The following CATSPERG variants were observed in gnomAD, a reference collection of about 807,000 sequenced individuals.
CATSPERG encodes catsper channel auxiliary subunit gamma.
Under a neutral mutation model 145.0 loss-of-function variants are expected in CATSPERG, and 115 were observed. The ratio of observed to expected loss-of-function variants is 0.79; its 90% CI spans 0.68 to 0.93. CATSPERG has a LOEUF of 0.93. CATSPERG is among the 40% of genes least tolerant of loss of function. CATSPERG has a pLI of 0.00. For synonymous variants in CATSPERG, 588 were observed against 589.0 expected, an observed-to-expected ratio of 1.00 and a Z score of 0.02; for missense variants, 1,296 against 1,490.1, an observed-to-expected ratio of 0.87 and a Z score of 2.14.
At chr19:38,360,465 C>T (rs766031315) in intron 14 of CATSPERG, 24 bp from the exon 15 acceptor site, 1 of 1,613,346 alleles carries the variant, frequency 6.2e-7, no homozygotes, top group Non-Finnish European at 8.5e-7. Flanking sequence ...CTGACACACA[C>T]ACATCCGGCT....
intron 7 of CATSPERG, among the ~76,000 whole-genome samples, chr19:38,350,245 T>C (rs551243396): frequency 1.3e-5 from 2 of 152,268 alleles, no homozygotes; most frequent in East Asian, 3.9e-4. Context: ...GGGAAATGGA[T>C]TTGAGAGCTT....
At chr19:38,365,660 CT>C (rs1264922692) in intron 22 of CATSPERG, 1 of 151,688 alleles carries the variant, frequency 6.6e-6, no homozygotes, top group Non-Finnish European at 1.5e-5. Context: ...CCTCTGATAA[CT>C]TTTCTTCAGA....
rs372484319 is a variant in CATSPERG at position 38,358,299 on chromosome 19, T to C, written c.1337T>C (p.Leu446Pro). 1 of 1,614,058 alleles carries C rather than the reference T, an allele frequency of 6.2e-7. No individual in the cohort carries two copies. Among genetic ancestry groups the C allele is most frequent in the African/African-American group, 1.3e-5 (1 of 74,926 alleles). The change falls in exon 12 of 29, where the codon CTC becomes CCC. Residue 446 changes from leucine (L) to proline (P), a missense_variant. Transcript: ENST00000409235. ...YNTASDDLELLYHIPEFIPEA... is the reference protein window; with the variant it reads ...YNTASDDLELPYHIPEFIPEA... ...GTAGCTAGTGATGACCTGGAACTTC[T>C]CTACCACATCCCAGAATTCATCCCT... is the stretch of plus-strand genomic sequence containing the variant.
rs1600460924 is a variant in CATSPERG at position 38,352,268 on chromosome 19, T to C, written c.833T>C (p.Ile278Thr). The C allele has an allele frequency of 6.4e-7, 1 of 1,551,468 alleles. No homozygotes were observed. Among genetic ancestry groups the C allele is most frequent in the Non-Finnish European group, 8.7e-7 (1 of 1,147,038 alleles). ...FKDFSLVELS[I>T]DSCWVGSFYC... ...GCCTCTGCTCCCCTGCAGCTGAGCA[T>C]TGACAGTTGCTGGGTGGGCTCCTTC... Residue 278 changes from isoleucine (I) to threonine (T), a missense_variant, in exon 8 of 29, where the codon ATT becomes ACT. Transcript: ENST00000409235.
intron 7 of CATSPERG, among the ~76,000 whole-genome samples, chr19:38,351,107 A>C (rs754517624): frequency 6.6e-6 from 1 of 152,200 alleles, no homozygotes; most frequent in Non-Finnish European, 1.5e-5. Flanking sequence ...ACATCCCCAA[A>C]GTCACAAGAT....
intron 22 of CATSPERG, 28 bp from the exon 23 acceptor site, chr19:38,367,128 C>T (rs1568383817): frequency 1.9e-6 from 3 of 1,600,182 alleles, no homozygotes; most frequent in Non-Finnish European, 2.6e-6. Flanking sequence ...CCTGGCCACC[C>T]CTGTGAGCCT....
At chr19:38,346,186 GTTCATCAGGAGAAACAGCAT>G (rs975182875) in intron 6 of CATSPERG, among the ~76,000 whole-genome samples, 4 of 152,302 alleles carry the variant, frequency 2.6e-5, no homozygotes, top group South Asian at 2.1e-4. Flanking sequence ...GGGAAGAGCA[GTTCATCAGGAGAAACAGCAT>G]TTCATCAGGA....
Position 38,359,397 on chromosome 19 carries a change from C to T in CATSPERG, c.1497-73C>T, listed in dbSNP as rs979492121. Reference sequence around the variant, plus strand: ...AAGTGGAGAAACAGTAAGTGGCTCCCGTGTTATTAGGCCTGGGATTGGGGG... The same window carrying T: ...AAGTGGAGAAACAGTAAGTGGCTCCTGTGTTATTAGGCCTGGGATTGGGGG... On this transcript the variant is annotated intron_variant, in intron 13 of 28. Coordinates refer to ENST00000409235, the MANE Select transcript of CATSPERG (RefSeq NM_021185.5). 4.3e-5 allele frequency: 40 copies of T among 930,492 alleles called. No homozygotes were observed. In the Admixed American group the frequency reaches 5.8e-4, roughly 13 times the overall value. 57.6% of individuals were successfully genotyped at this position (930,492 alleles called of 1,614,324 possible). A position where few individuals can be genotyped will look rare whatever the true frequency, so the allele number is the denominator to read the frequency against.
chr19:38,344,896 TA>T (rs1970010049), intron 6 of CATSPERG, among the ~76,000 whole-genome samples: 2 of 111,106 alleles, frequency 1.8e-5, no homozygotes, highest in African/African-American at 3.4e-5. Flanking sequence ...TATATATATA[TA>T]TATATTTTTT....
chr19:38,359,641 C>A, intron 14 of CATSPERG, 60 bp downstream of exon 14: 2 of 1,545,948 alleles, frequency 1.3e-6, no homozygotes, highest in East Asian at 4.8e-5. Context: ...CCCAGGGGCC[C>A]CTCTTTCCCC....
chr19:38,359,655 C>T, intron 14 of CATSPERG, 74 bp downstream of exon 14: 1 of 1,528,422 alleles, frequency 6.5e-7, no homozygotes, highest in Non-Finnish European at 8.8e-7. Context: ...TTTCCCCCGT[C>T]ACAGTAAAGG....
intron 14 of CATSPERG, chr19:38,360,223 C>T (rs913101086): frequency 4.8e-5 from 47 of 985,056 alleles, no homozygotes; most frequent in Admixed American, 4.3e-4. Flanking sequence ...ATGCTTAGGT[C>T]GCAAGTGCCA....
intron 7 of CATSPERG, among the ~76,000 whole-genome samples, chr19:38,347,825 C>CT (rs1304086965): frequency 1.3e-5 from 2 of 151,902 alleles, no homozygotes; most frequent in Non-Finnish European, 2.9e-5. Flanking sequence ...CCTGTAATCC[C>CT]AGCTACTCTG....
At chr19:38,345,622 A>G (rs934415118) in intron 6 of CATSPERG, among the ~76,000 whole-genome samples, 3 of 151,514 alleles carry the variant, frequency 2.0e-5, no homozygotes, top group African/African-American at 7.3e-5. Flanking sequence ...CTCCTACCTC[A>G]GCCTCCTGAG....
At chr19:38,364,500 C>G (rs1188311167) in intron 20 of CATSPERG, among the ~76,000 whole-genome samples, 1 of 151,968 alleles carries the variant, frequency 6.6e-6, no homozygotes, top group Middle Eastern at 3.2e-3. Context: ...CAGAGACACT[C>G]CTCACTTCCC....
intron 6 of CATSPERG, 37 bp downstream of exon 6, chr19:38,344,405 G>A (rs936314641): frequency 5.4e-5 from 83 of 1,532,526 alleles, no homozygotes; most frequent in Non-Finnish European, 6.8e-5. Flanking sequence ...ACAATGGTCT[G>A]GGCCTTAGGC....
At chr19:38,342,340 CT>C (rs1969952860) in intron 3 of CATSPERG, among the ~76,000 whole-genome samples, 1 of 152,058 alleles carries the variant, frequency 6.6e-6, no homozygotes, top group Admixed American at 6.6e-5. Context: ...TGGCTCATGC[CT>C]GTAATCCCAG....
chr19:38,337,099 G>A (rs946682225), intron 1 of CATSPERG, 122 bp from the exon 2 acceptor site: 6 of 1,241,252 alleles, frequency 4.8e-6, no homozygotes, highest in Non-Finnish European at 6.7e-6. Flanking sequence ...GCGGGGCCAG[G>A]AGCAAGAGCC....
chr19:38,370,430 C>A (rs1970526471), intron 28 of CATSPERG, 96 bp from the exon 29 acceptor site: 1 of 1,531,666 alleles, frequency 6.5e-7, no homozygotes, highest in South Asian at 1.2e-5. Context: ...TGCTGTCATG[C>A]CTCCATCTGT....
Sources: allele counts gnomAD v4.1 joint callset (sites outside exome capture counted in the v4.1 genomes callset), GRCh38; gene constraint gnomAD v4.1.1; transcripts MANE v1.5; gene names NCBI Gene and HGNC (gene_info 2026-07-23, HGNC 2026-07-21).